HIVEP3: variants seen among roughly 807,000 people sequenced by gnomAD.
HIVEP3 encodes the protein HIVEP zinc finger 3.
A neutral mutation model predicts 152.8 loss-of-function variants in HIVEP3; 49 were observed. The observed-to-expected ratio is 0.32, with a 90% confidence interval of 0.26 to 0.41. HIVEP3 has a LOEUF of 0.41. Among genes scored for constraint, HIVEP3 ranks in the 10% least tolerant of loss-of-function variants. The pLI is 1.00. For synonymous variants in HIVEP3, 1,269 were observed against 1,289.0 expected (o/e 0.98, Z 0.33); for missense variants, 2,790 against 3,103.3 (o/e 0.90, Z 2.40).
chr1:41,928,925 T>G (rs1644981442), intron 1 of HIVEP3, among the ~76,000 whole-genome samples: 1 of 152,152 alleles, frequency 6.6e-6, no homozygotes, highest in African/African-American at 2.4e-5. Flanking sequence ...GCAGGAGGAT[T>G]GCTTGAGCAA....
At chr1:41,976,852 G>C (rs966095121) in intron 1 of HIVEP3, among the ~76,000 whole-genome samples, 3 of 152,296 alleles carry the variant, frequency 2.0e-5, no homozygotes, top group African/African-American at 7.2e-5. Context: ...CGCAGAAGCT[G>C]GGAGGGTGGA....
intron 1 of HIVEP3, among the ~76,000 whole-genome samples, chr1:41,976,833 C>T (rs186424518): frequency 5.9e-5 from 9 of 152,250 alleles, no homozygotes; most frequent in Admixed American, 5.2e-4. Context: ...TGCCACAAGC[C>T]GAGGAATCCG....
At chr1:42,001,647 T>C (rs559237999) in intron 1 of HIVEP3, among the ~76,000 whole-genome samples, 1 of 152,290 alleles carries the variant, frequency 6.6e-6, no homozygotes, top group Admixed American at 6.5e-5. Flanking sequence ...ACCCACAGTA[T>C]CTTCCACCAA....
intron 1 of HIVEP3, among the ~76,000 whole-genome samples, chr1:41,911,570 T>C (rs1177037214): frequency 6.6e-6 from 1 of 152,180 alleles, no homozygotes; most frequent in Non-Finnish European, 1.5e-5. Flanking sequence ...CTTACACACA[T>C]ACTTAGCAGG....
chr1:41,980,068 T>C (rs1452645827), intron 1 of HIVEP3, among the ~76,000 whole-genome samples: 1 of 152,140 alleles, frequency 6.6e-6, no homozygotes, highest in Non-Finnish European at 1.5e-5. Flanking sequence ...TGGTATGTAT[T>C]GGAAGGATGT....
At chr1:41,838,387 C>G (rs1163147015) in intron 1 of HIVEP3, among the ~76,000 whole-genome samples, 1 of 152,162 alleles carries the variant, frequency 6.6e-6, no homozygotes, top group Non-Finnish European at 1.5e-5. Flanking sequence ...TCTGTTCCCC[C>G]TTCCTATAAC....
chr1:41,872,973 T>A (rs1345153877), intron 1 of HIVEP3, among the ~76,000 whole-genome samples: 1 of 152,242 alleles, frequency 6.6e-6, no homozygotes, highest in Non-Finnish European at 1.5e-5. Flanking sequence ...AATGCCAGAT[T>A]TATCCTGAAT....
chr1:41,926,536 C>T (rs1263069049), intron 1 of HIVEP3, among the ~76,000 whole-genome samples: 1 of 152,094 alleles, frequency 6.6e-6, no homozygotes, highest in Non-Finnish European at 1.5e-5. Context: ...GAGGCTATGA[C>T]CTCAGTTTGT....
intron 1 of HIVEP3, among the ~76,000 whole-genome samples, chr1:41,982,944 C>G (rs544988575): frequency 3.3e-5 from 5 of 152,310 alleles, no homozygotes; most frequent in African/African-American, 1.2e-4. Context: ...GCACCAGGGA[C>G]AACTTTTCCA....
chr1:41,832,513 A>G (rs1642993759), intron 1 of HIVEP3, among the ~76,000 whole-genome samples: 1 of 152,204 alleles, frequency 6.6e-6, no homozygotes, highest in African/African-American at 2.4e-5. Context: ...CCTGGATGAC[A>G]CAGTGAGACC....
In HIVEP3 at chr1:41,582,198, G is replaced by A. The variant is rs764001620; in HGVS notation, c.2600C>T (p.Pro867Leu). ...AGGGGGCGGCTCTGGCTCTGTGTCC[G>A]GCCGGTCAGGCTCCTCAGTTACTAG... Reference protein sequence around the residue: ...EILVTEEPDRPDTEPEPPPKE... With the variant: ...EILVTEEPDRLDTEPEPPPKE... The change falls in exon 4 of 9, where the codon CCG becomes CTG. Residue 867 changes from proline (P) to leucine (L), a missense_variant. This residue lies in a region of HIVEP3 where 1,078 missense variants were observed against 1,165.3 expected (regional missense o/e 0.93). Coordinates refer to ENST00000372583, the MANE Select transcript of HIVEP3 (RefSeq NM_024503.5). The surrounding 1 kb of genome is among the most constrained non-coding windows in gnomAD (Gnocchi z 4.7). 83 of 1,613,886 alleles carry A rather than the reference G, an allele frequency of 5.1e-5. No homozygotes were observed. In the East Asian group the frequency reaches 1.2e-3, roughly 23 times the overall value.
intron 1 of HIVEP3, among the ~76,000 whole-genome samples, chr1:41,852,158 G>T (rs1241395471): frequency 6.6e-6 from 1 of 152,208 alleles, no homozygotes; most frequent in Non-Finnish European, 1.5e-5. Flanking sequence ...TTGCTGTTTT[G>T]CCTTCCTTAG....
chr1:41,608,917 C>CAA (rs35714997), intron 3 of HIVEP3, among the ~76,000 whole-genome samples: 2,211 of 123,520 alleles, frequency 0.018, 60 homozygotes, highest in African/African-American at 0.057. Context: ...CTAAAAATAC[C>CAA]AAAAAAAAAA....
chr1:42,001,244 G>A (rs1030076600), intron 1 of HIVEP3, among the ~76,000 whole-genome samples: 2 of 152,194 alleles, frequency 1.3e-5, no homozygotes, highest in Admixed American at 6.6e-5. Flanking sequence ...TATAATATTA[G>A]TAACATAACC....
At chr1:41,704,356 A>G (rs907518749) in intron 1 of HIVEP3, among the ~76,000 whole-genome samples, 1 of 152,270 alleles carries the variant, frequency 6.6e-6, no homozygotes, top group African/African-American at 2.4e-5. Flanking sequence ...TGGCTTCAGC[A>G]TGAACTGGGC....
intron 1 of HIVEP3, among the ~76,000 whole-genome samples, chr1:42,000,112 T>C (rs1243466694): frequency 6.6e-6 from 1 of 152,224 alleles, no homozygotes; most frequent in African/African-American, 2.4e-5. Flanking sequence ...AATGATCTGG[T>C]TGTGTTTCTG....
intron 1 of HIVEP3, among the ~76,000 whole-genome samples, chr1:41,714,778 C>T (rs911895395): frequency 6.6e-6 from 1 of 152,204 alleles, no homozygotes; most frequent in African/African-American, 2.4e-5. Flanking sequence ...TATTTAAAAG[C>T]ATTGTTCAGT....
At chr1:41,710,377 ACACCATTTCTAAGGT>A (rs1646495200) in intron 1 of HIVEP3, among the ~76,000 whole-genome samples, 1 of 152,160 alleles carries the variant, frequency 6.6e-6, no homozygotes, top group African/African-American at 2.4e-5. Context: ...AGGGCAGCCA[ACACCATTTCTAAGGT>A]CGCGCCAGCT....
At chr1:41,854,511 G>A (rs1021816363) in intron 1 of HIVEP3, among the ~76,000 whole-genome samples, 1 of 136,258 alleles carries the variant, frequency 7.3e-6, no homozygotes, top group African/African-American at 2.9e-5. Context: ...GCATATTCTT[G>A]CTGCACTTTT....
Sources: allele counts gnomAD v4.1 joint callset (sites outside exome capture counted in the v4.1 genomes callset), GRCh38; gene constraint gnomAD v4.1.1; regional missense constraint gnomAD v4.1.1; non-coding constraint Gnocchi (gnomAD v3.1); transcripts MANE v1.5; gene names NCBI Gene and HGNC (gene_info 2026-07-23, HGNC 2026-07-21).